The following FANCC variants were observed in gnomAD, a reference collection of about 807,000 sequenced individuals.
The protein encoded by FANCC is Fanconi anemia group C protein.
In FANCC, 55 loss-of-function variants were observed where a neutral mutation model predicts 71.3. That is an observed-to-expected ratio of 0.77 (90% confidence interval 0.62 to 0.97). The LOEUF (loss-of-function observed/expected upper bound fraction) is 0.97. FANCC is among the 50% of genes least tolerant of loss of function. FANCC has a pLI of 0.00. For missense variants in FANCC, 678 were observed against 670.9 expected (o/e 1.01, Z -0.12); for synonymous variants, 275 against 244.9 (o/e 1.12, Z -1.15).
intron 1 of FANCC, among the ~76,000 whole-genome samples, chr9:95,306,276 T>C (rs1835064697): frequency 1.3e-5 from 2 of 152,182 alleles, no homozygotes; most frequent in South Asian, 4.1e-4. Flanking sequence ...AATTTGAATT[T>C]TGTTTGGGGA....
chr9:95,162,788 A>C (rs1352163026), intron 6 of FANCC, among the ~76,000 whole-genome samples: 1 of 152,072 alleles, frequency 6.6e-6, no homozygotes, highest in Non-Finnish European at 1.5e-5. Flanking sequence ...CAAGTCTTTG[A>C]CCTATTTTTA....
chr9:95,123,637 C>A (rs1391535417), intron 10 of FANCC: 15 of 613,836 alleles, frequency 2.4e-5, no homozygotes, highest in Non-Finnish European at 4.4e-5. Context: ...TTAACAAATT[C>A]ATCATTGGAA....
chr9:95,221,227 A>G (rs941359972), intron 4 of FANCC, among the ~76,000 whole-genome samples: 4 of 152,036 alleles, frequency 2.6e-5, no homozygotes, highest in Non-Finnish European at 5.9e-5. Flanking sequence ...AAACAAAAAC[A>G]AAAAGCCACA....
At chr9:95,177,761 T>G (rs1826105381) in intron 4 of FANCC, among the ~76,000 whole-genome samples, 1 of 152,222 alleles carries the variant, frequency 6.6e-6, no homozygotes, top group Non-Finnish European at 1.5e-5. Context: ...CTCACTGTTG[T>G]GCTGGTGTGA....
intron 6 of FANCC, among the ~76,000 whole-genome samples, chr9:95,159,912 A>G (rs1314707694): frequency 6.6e-6 from 1 of 152,170 alleles, no homozygotes; most frequent in Non-Finnish European, 1.5e-5. Flanking sequence ...AGTTCTTTGT[A>G]GATTCTGGAT....
At chr9:95,206,546 C>T (rs1028600124) in intron 4 of FANCC, among the ~76,000 whole-genome samples, 9 of 152,158 alleles carry the variant, frequency 5.9e-5, no homozygotes, top group Admixed American at 2.0e-4. Flanking sequence ...TTTAACATTA[C>T]GCTTTCAATT....
chr9:95,311,086 T>A, intron 1 of FANCC, among the ~76,000 whole-genome samples: 1 of 151,588 alleles, frequency 6.6e-6, no homozygotes, highest in East Asian at 1.9e-4. Flanking sequence ...CTAACAAAAA[T>A]ACAAAAAATT....
At chr9:95,125,253 G>T in intron 9 of FANCC, 68 bp from the exon 10 acceptor site, 1 of 1,272,808 alleles carries the variant, frequency 7.9e-7, no homozygotes, top group Non-Finnish European at 1.1e-6. Context: ...AACCTGCACT[G>T]TATAAGGGAA....
intron 1 of FANCC, chr9:95,317,255 GC>G: frequency 7.1e-6 from 1 of 140,208 alleles, no homozygotes; most frequent in Non-Finnish European, 1.5e-5. Flanking sequence ...GCCGGCTCCC[GC>G]CCCCGCTTTC....
rs933218005 is a variant in FANCC, at chr9:95,126,651, C to T, written c.844-70G>A. On this transcript the variant is annotated intron_variant, in intron 8 of 14. Transcript: ENST00000289081. Reference sequence around the variant, plus strand: ...TTTCTCAGAAACTTGCTATTATCAGCCAAAGGAGTTACTGGGAACTGCTGA... The same window carrying T: ...TTTCTCAGAAACTTGCTATTATCAGTCAAAGGAGTTACTGGGAACTGCTGA... 10 of 1,510,656 alleles carry T rather than the reference C, an allele frequency of 6.6e-6. No homozygotes were observed. The African/African-American group carries it at 1.4e-4, about 21-fold the overall frequency. 93.6% of individuals were successfully genotyped at this position (1,510,656 alleles called of 1,614,324 possible).
chr9:95,157,815 T>A (rs1830530433), intron 6 of FANCC, among the ~76,000 whole-genome samples: 1 of 152,214 alleles, frequency 6.6e-6, no homozygotes, highest in South Asian at 2.1e-4. Flanking sequence ...AAGAACTACC[T>A]GTCTTTATGA....
intron 4 of FANCC, among the ~76,000 whole-genome samples, chr9:95,203,626 T>A (rs1473466573): frequency 6.6e-6 from 1 of 152,198 alleles, no homozygotes; most frequent in East Asian, 1.9e-4. Flanking sequence ...TTACTGTACT[T>A]GTAATCAAGC....
chr9:95,195,196 CAAAAAAAAAAA>C (rs34771312), intron 4 of FANCC, among the ~76,000 whole-genome samples: 1 of 42,616 alleles, frequency 2.3e-5, no homozygotes, highest in Admixed American at 4.7e-4. Context: ...GACTCCGTCT[CAAAAAAAAAAA>C]AAAAAAAAAA....
chr9:95,288,577 C>T (rs188463778), intron 1 of FANCC, among the ~76,000 whole-genome samples: 1 of 152,248 alleles, frequency 6.6e-6, no homozygotes, highest in East Asian at 1.9e-4. Context: ...TCAACTGAGT[C>T]CCAGCACTTG....
intron 9 of FANCC, among the ~76,000 whole-genome samples, chr9:95,125,526 G>A (rs567936508): frequency 2.6e-4 from 39 of 152,280 alleles, no homozygotes; most frequent in Admixed American, 8.5e-4. Context: ...AAGTGGAGAC[G>A]AAGCTGCTCA....
At chr9:95,126,161 T>G (rs973814166) in intron 9 of FANCC, among the ~76,000 whole-genome samples, 1 of 152,242 alleles carries the variant, frequency 6.6e-6, no homozygotes, top group African/African-American at 2.4e-5. Flanking sequence ...TTTAAAGTCT[T>G]TTAAAAATAT....
At chr9:95,245,755 G>A (rs1410395368) in intron 3 of FANCC, among the ~76,000 whole-genome samples, 1 of 151,732 alleles carries the variant, frequency 6.6e-6, no homozygotes, top group Non-Finnish European at 1.5e-5. Context: ...AAATCAGCTG[G>A]GTGTGGTGGC....
chr9:95,113,527 T>C (rs913202378), intron 12 of FANCC, among the ~76,000 whole-genome samples: 2 of 151,728 alleles, frequency 1.3e-5, no homozygotes, highest in African/African-American at 4.8e-5. Flanking sequence ...GGCACAGCGG[T>C]CCACACCTGT....
intron 12 of FANCC, among the ~76,000 whole-genome samples, chr9:95,112,665 C>T (rs532706562): frequency 6.6e-6 from 1 of 152,198 alleles, no homozygotes; most frequent in South Asian, 2.1e-4. Context: ...ATGCACAGAG[C>T]AGTGAGGCTC....
Sources: gnomAD v4.1 joint callset for allele counts (sites outside exome capture counted in the v4.1 genomes callset) on GRCh38, gnomAD v4.1.1 for gene constraint, MANE v1.5 for transcripts, NCBI Gene and HGNC (gene_info 2026-07-23, HGNC 2026-07-21) for gene names.